Variants in ATP2A3 observed in about 807,000 individuals in gnomAD.
ATP2A3 encodes the protein sarcoplasmic/endoplasmic reticulum calcium ATPase 3.
A neutral mutation model predicts 106.8 loss-of-function variants in ATP2A3; 61 were observed. That is an observed-to-expected ratio of 0.57 (90% confidence interval 0.46 to 0.71). The LOEUF (loss-of-function observed/expected upper bound fraction) is 0.71. ATP2A3 is among the 30% of genes least tolerant of loss of function. ATP2A3 has a pLI of 0.00. For synonymous variants in ATP2A3, 611 were observed against 609.3 expected (o/e 1.00, Z -0.04); for missense variants, 1,201 against 1,423.5 (o/e 0.84, Z 2.52).
rs1757556374 is a variant in ATP2A3 at position 3,930,350 on chromosome 17, T to C, written c.2695A>G (p.Met899Val). Residue 899 changes from methionine to valine, a missense_variant, in exon 18 of 21, where the codon ATG becomes GTG. Transcript: ENST00000397041. The surrounding 1 kb of genome is among the most constrained non-coding windows in gnomAD (Gnocchi z 5.4). ...EVFESRFPTT[M>V]ALSVLVTIEM... ...ATGGTCACGAGCACGGACAAGGCCATGGTGGTGGGGAAGCGTGACTCGAAC... is the reference window on the plus strand; with the variant it reads ...ATGGTCACGAGCACGGACAAGGCCACGGTGGTGGGGAAGCGTGACTCGAAC... 1.9e-6 allele frequency: 3 copies of C among 1,613,088 alleles called. No homozygotes were observed. The highest frequency in any genetic ancestry group is 2.2e-5 in the East Asian group (1 of 44,870).
Position 3,930,185 on chromosome 17 carries a change from CT to C in ATP2A3, c.2744+115del. On this transcript the variant is annotated intron_variant, in intron 18 of 20. Transcript: ENST00000397041. This position sits in a 1 kb window ranked among gnomAD's most constrained non-coding sequence, Gnocchi z 5.4. ...CTCAGCCCCCACTCCTCGGCCCCAG[CT>C]CCAGGCCCTGCGCCCAGCCCACCTG... is the stretch of plus-strand genomic sequence containing the variant. 8 of 1,151,948 alleles carry C rather than the reference CT, an allele frequency of 6.9e-6. No homozygotes were observed. The highest frequency in any genetic ancestry group is 9.2e-6 in the Non-Finnish European group (8 of 873,354). The allele number at this position is 1,151,948 out of a possible 1,614,324, so 71.4% of individuals were successfully genotyped here.
intron 1 of ATP2A3, among the ~76,000 whole-genome samples, chr17:3,958,274 G>A (rs1184495428): frequency 6.6e-6 from 1 of 152,234 alleles, no homozygotes; most frequent in South Asian, 2.1e-4. Context: ...GTAGCACACA[G>A]TGAACACGCT....
In ATP2A3 at chr17:3,925,431, G is replaced by A; in HGVS notation, c.2991C>T (p.Ser997=). Residue 997 remains serine (S), a synonymous_variant, in exon 21 of 21, where the codon AGC becomes AGT. Transcript: ENST00000397041. The surrounding 1 kb of genome is among the most constrained non-coding windows in gnomAD (Gnocchi z 4.2). ...ACTCTGTTCCCAGCGCTCACTTCTG[G>A]CTCATTTCTTCTGGAAGAAAAACCC... ...LSRNHMHEEM[S]QK is the part of the protein sequence containing the mutation. The A allele has an allele frequency of 1.2e-6, 2 of 1,613,624 alleles. No homozygotes were observed. The highest frequency in any genetic ancestry group is 1.7e-6 in the Non-Finnish European group (2 of 1,179,906).
At chr17:3,938,295 G>A (rs1296713149) in intron 14 of ATP2A3, among the ~76,000 whole-genome samples, 16 of 152,182 alleles carry the variant, frequency 1.1e-4, no homozygotes, top group East Asian at 5.9e-4. Context: ...TTAGCTGGGC[G>A]CAGTGGCGCG....
At chr17:3,938,319 A>G (rs569978049) in intron 14 of ATP2A3, among the ~76,000 whole-genome samples, 30 of 152,150 alleles carry the variant, frequency 2.0e-4, no homozygotes, top group African/African-American at 7.2e-4. Flanking sequence ...CTATGATCTC[A>G]GCTACATGGG....
chr17:3,933,377 C>G (rs906374266), intron 17 of ATP2A3, among the ~76,000 whole-genome samples: 1 of 151,306 alleles, frequency 6.6e-6, no homozygotes, highest in African/African-American at 2.5e-5. Context: ...CAGCAAGCAC[C>G]TGCCACACAC....
chr17:3,935,059 G>A (rs2053352053), intron 17 of ATP2A3, 133 bp downstream of exon 17: 2 of 964,104 alleles, frequency 2.1e-6, no homozygotes. Flanking sequence ...TCCCCAGGTG[G>A]GGATGTTTAT....
intron 14 of ATP2A3, among the ~76,000 whole-genome samples, chr17:3,937,950 A>G (rs1397069217): frequency 6.6e-6 from 1 of 152,172 alleles, no homozygotes; most frequent in Non-Finnish European, 1.5e-5. Flanking sequence ...GATGTGGGGT[A>G]GAAGATGAAA....
chr17:3,951,558 GTC>G, intron 4 of ATP2A3, 21 bp downstream of exon 4: 5 of 716,094 alleles, frequency 7.0e-6, no homozygotes, highest in Non-Finnish European at 1.1e-5. Flanking sequence ...CCCCCGCCCG[GTC>G]CCACCCCCAG....
rs770571983 is a variant in ATP2A3 at position 3,937,453 on chromosome 17, G to A, written c.2284C>T (p.Arg762Cys). 8.1e-6 allele frequency: 13 copies of A among 1,612,890 alleles called. No homozygotes were observed. The highest frequency in any genetic ancestry group is 2.2e-5 in the East Asian group (1 of 44,878). The stretch of plus-strand genomic sequence containing the variant: ...CCAACATTGGAGGAGATGAGGTAGC[G>A]GATGAATTGCTTCATGTTGCTGTAG... Reference protein sequence around the residue: ...AIYSNMKQFIRYLISSNVGEV... With the variant: ...AIYSNMKQFICYLISSNVGEV... The change falls in exon 15 of 21, where the codon CGC becomes TGC. Residue 762 changes from arginine (R) to cysteine (C), a missense_variant. This residue lies in a region of ATP2A3 where 935 missense variants were observed against 1,176.7 expected (regional missense o/e 0.79). Coordinates refer to ENST00000397041, the MANE Select transcript of ATP2A3 (RefSeq NM_005173.4).
Position 3,928,341 on chromosome 17 carries a change from G to A in ATP2A3, c.2980+322C>T, listed in dbSNP as rs748260534. ...GATAAAGACAGGCTGGGTGCAGAGG[G>A]GTCAGAGGCTGAGGCCCAGAAGAGC... On this transcript the variant is annotated intron_variant, in intron 20 of 20. Transcript: ENST00000397041. This position sits in a 1 kb window ranked among gnomAD's most constrained non-coding sequence, Gnocchi z 6.1. The A allele has an allele frequency of 1.9e-6, 3 of 1,610,910 alleles. No homozygotes were observed. Among genetic ancestry groups the A allele is most frequent in the East Asian group, 4.5e-5 (2 of 44,838 alleles).
Position 3,937,415 on chromosome 17 carries a change from C to A in ATP2A3, c.2321+1G>T. On this transcript the variant is annotated splice_donor_variant, in intron 15 of 20. Coordinates refer to ENST00000397041, the MANE Select transcript of ATP2A3 (RefSeq NM_005173.4). LOFTEE classifies it high-confidence loss of function. ...TGAGAGGAGGGAAGGCCCGGCCTCACCAGACGACCTCGCCAACATTGGAGG... is the reference window on the plus strand; with the variant it reads ...TGAGAGGAGGGAAGGCCCGGCCTCAACAGACGACCTCGCCAACATTGGAGG... The A allele has an allele frequency of 7.4e-6, 12 of 1,612,542 alleles. No individual in the cohort carries two copies. The highest frequency in any genetic ancestry group is 1.0e-5 in the Non-Finnish European group (12 of 1,179,006).
chr17:3,950,490 G>A (rs1178747758), intron 7 of ATP2A3, 21 bp downstream of exon 7: 10 of 1,605,388 alleles, frequency 6.2e-6, no homozygotes, highest in Non-Finnish European at 7.7e-6. Context: ...TCTGGGCAAA[G>A]GCCCCAGACA....
chr17:3,939,751 C>T (rs1221951843), intron 14 of ATP2A3, among the ~76,000 whole-genome samples: 2 of 124,330 alleles, frequency 1.6e-5, no homozygotes, highest in African/African-American at 5.8e-5. Flanking sequence ...CGTGCCACTG[C>T]GCTCCAGCCC....
chr17:3,935,488 T>C (rs1320816102), intron 16 of ATP2A3, among the ~76,000 whole-genome samples: 1 of 151,128 alleles, frequency 6.6e-6, no homozygotes, highest in Non-Finnish European at 1.5e-5. Context: ...TGCTTGGAGA[T>C]GAGCAGGTGA....
rs776220160 is a variant in ATP2A3, at chr17:3,936,476, C to A, written c.2322-7G>T. 14 of 1,613,810 alleles carry A rather than the reference C, an allele frequency of 8.7e-6. No homozygotes were observed. Among genetic ancestry groups the A allele is most frequent in the Non-Finnish European group, 1.2e-5 (14 of 1,179,996 alleles). On this transcript the variant is annotated splice_region_variant and splice_polypyrimidine_tract_variant and intron_variant, in intron 15 of 20. Coordinates refer to ENST00000397041, the MANE Select transcript of ATP2A3 (RefSeq NM_005173.4). This position sits in a 1 kb window ranked among gnomAD's most constrained non-coding sequence, Gnocchi z 5.4. ...AATTGCCGTGAGGAAGATGCTGGAACAGAGTCATGAGCTCTAGCCCCGGTA... is the reference window on the plus strand; with the variant it reads ...AATTGCCGTGAGGAAGATGCTGGAAAAGAGTCATGAGCTCTAGCCCCGGTA...
Position 3,950,722 on chromosome 17 carries a change from G to T in ATP2A3, c.515C>A (p.Thr172Lys). The T allele has an allele frequency of 6.2e-7, 1 of 1,613,982 alleles. No homozygotes were observed. Among genetic ancestry groups the T allele is most frequent in the Non-Finnish European group, 8.5e-7 (1 of 1,180,016 alleles). ...DLRLIEIKSTTLRVDQSILTG... is the reference protein window; with the variant it reads ...DLRLIEIKSTKLRVDQSILTG... Reference sequence around the variant, plus strand: ...CAGGATGGACTGGTCCACTCGCAGCGTGGTGGACTTGATCTCGATGAGGCG... The same window carrying T: ...CAGGATGGACTGGTCCACTCGCAGCTTGGTGGACTTGATCTCGATGAGGCG... Residue 172 changes from threonine to lysine, a missense_variant, in exon 6 of 21, where the codon ACG (threonine) becomes AAG (lysine). Physicochemically the swap from Thr to Lys is moderately conservative, Grantham distance 78 (BLOSUM62 -1). Transcript: ENST00000397041.
At chr17:3,949,214 C>A (rs1240022497) in intron 7 of ATP2A3, among the ~76,000 whole-genome samples, 1 of 152,112 alleles carries the variant, frequency 6.6e-6, no homozygotes, top group Non-Finnish European at 1.5e-5. Flanking sequence ...TTTTCTATCC[C>A]CCGATAACTT....
chr17:3,953,683 C>T lies in ATP2A3; in HGVS notation c.136+10G>A. 1 of 1,563,962 alleles carries T rather than the reference C, an allele frequency of 6.4e-7. No homozygotes were observed. Among genetic ancestry groups the T allele is most frequent in the Non-Finnish European group, 8.7e-7 (1 of 1,153,956 alleles). On this transcript the variant is annotated intron_variant, in intron 2 of 20. Coordinates refer to ENST00000397041, the MANE Select transcript of ATP2A3 (RefSeq NM_005173.4). This position sits in a 1 kb window ranked among gnomAD's most constrained non-coding sequence, Gnocchi z 5.1. ...CGCGGCCTAGAGGTCCATCCCGGTG[C>T]CAGCCTCACCTTCCTCACTCGGGAG...
Sources: gnomAD v4.1 joint callset for allele counts (sites outside exome capture counted in the v4.1 genomes callset) on GRCh38, gnomAD v4.1.1 for gene constraint, gnomAD v4.1.1 regional missense constraint, Gnocchi (gnomAD v3.1) non-coding constraint, MANE v1.5 for transcripts, NCBI Gene and HGNC (gene_info 2026-07-23, HGNC 2026-07-21) for gene names.